SHOX: variants seen among roughly 807,000 people sequenced by gnomAD.
The protein encoded by SHOX is short stature homeobox protein.
SHOX carries 12 observed loss-of-function variants against 29.6 expected under a neutral mutation model. The ratio of observed to expected loss-of-function variants is 0.41; its 90% confidence interval spans 0.26 to 0.66. The LOEUF (loss-of-function observed/expected upper bound fraction) is 0.66, where lower values mean the gene tolerates loss of function less well. SHOX is among the 30% of genes least tolerant of loss of function. SHOX has a pLI of 0.35. For missense variants in SHOX, 499 were observed against 437.7 expected (o/e 1.14, Z -1.25); for synonymous variants, 214 against 200.6 (o/e 1.07, Z -0.57).
chrX:645,460 A>T lies in SHOX; in HGVS notation c.*824A>T, dbSNP rs927318682. 10 of 129,482 alleles carry T rather than the reference A, an allele frequency of 7.7e-5. No homozygotes were observed. The highest frequency in any genetic ancestry group is 1.2e-4 in the Non-Finnish European group (8 of 64,860). 8.0% of individuals were successfully genotyped at this position (129,482 alleles called of 1,614,324 possible). On this transcript the variant is annotated 3_prime_UTR_variant, in exon 5 of 5. Transcript: ENST00000686671. ...GGATTCAGACGCAAAAGACTTGCATAAGAGACGGACGCGTGGTTGCAAGGT... is the reference window on the plus strand; with the variant it reads ...GGATTCAGACGCAAAAGACTTGCATTAGAGACGGACGCGTGGTTGCAAGGT...
rs2053008939 is a variant in SHOX, at chrX:648,966, CTTTT to C, written c.*4332_*4335del. 2.1e-5 allele frequency among the ~76,000 whole-genome samples: 2 copies of C among 97,380 alleles called. No homozygotes were observed. Among genetic ancestry groups the C allele is most frequent in the East Asian group, 6.0e-4 (2 of 3,318 alleles). 63.9% of individuals were successfully genotyped at this position (97,380 alleles called of 152,430 possible). A position where few individuals can be genotyped will look rare whatever the true frequency, so the allele number is the denominator to read the frequency against. ...TCTTTTCTTTCTTTCTGTTTCTTTC[CTTTT>C]TATCTTTCTCTCTTTTTCTTTCTCT... On this transcript the variant is annotated 3_prime_UTR_variant, in exon 5 of 5. Transcript: ENST00000686671.
At chrX:637,621 C>CG (rs746095291) in intron 2 of SHOX, among the ~76,000 whole-genome samples, 18 of 151,950 alleles carry the variant, frequency 1.2e-4, no homozygotes, top group African/African-American at 2.4e-4. Flanking sequence ...TCCATCGCCG[C>CG]GGGGGGAAAG....
At position 630,824 on chromosome X, in the gene SHOX, A is replaced by G; in HGVS notation, c.-74A>G. ...CAGCGCTGGTGATCCACCCGCGCGC[A>G]CGGGCCGTCCTCTCCGCGCGGGGAG... On this transcript the variant is annotated 5_prime_UTR_variant, in exon 1 of 5. Transcript: ENST00000686671. The G allele has an allele frequency of 6.4e-7, 1 of 1,571,306 alleles. No homozygotes were observed. The highest frequency in any genetic ancestry group is 1.1e-5 in the South Asian group (1 of 89,914).
chrX:624,904 C>CTTTCTTCCTTTCTTTCTTTCTT (rs2052485772), intron 1 of SHOX, among the ~76,000 whole-genome samples: 2 of 94,850 alleles, frequency 2.1e-5, no homozygotes, highest in Non-Finnish European at 4.3e-5. Flanking sequence ...CTTTCTTTCT[C>CTTTCTTCCTTTCTTTCTTTCTT]TCTTCCTTTC....
chrX:650,944 G>A lies in SHOX; in HGVS notation c.*6308G>A, dbSNP rs1347614329. 1.3e-5 allele frequency among the ~76,000 whole-genome samples: 2 copies of A among 151,996 alleles called. No individual in the cohort carries two copies. Among genetic ancestry groups the A allele is most frequent in the African/African-American group, 4.8e-5 (2 of 41,374 alleles). ...AAATTTGATATTTAATGAGAAGCCG[G>A]TTAAGGAATGTAGACAATATCCCGT... On this transcript the variant is annotated 3_prime_UTR_variant, in exon 5 of 5. Coordinates refer to ENST00000686671, the MANE Select transcript of SHOX (RefSeq NM_000451.4).
chrX:630,503 A>C, upstream of SHOX: 1 of 318,012 alleles, frequency 3.1e-6, no homozygotes, highest in Admixed American at 4.7e-5. Flanking sequence ...CCACGGAGAG[A>C]ACGCGGGTAA....
chrX:642,300 TG>T lies in SHOX; in HGVS notation c.633+1223del, dbSNP rs374805625. Among the ~76,000 whole-genome samples, 617 of 134,360 alleles carry T rather than the reference TG, an allele frequency of 4.6e-3. 4 individuals are homozygous for T. Among genetic ancestry groups the T allele is most frequent in the Middle Eastern group, 0.012 (3 of 248 alleles). The allele number at this position is 134,360 out of a possible 152,430, so 88.1% of individuals were successfully genotyped here. Reference sequence around the variant, plus strand: ...AGTGCATGCGCGGGCGGAACGGGCTTGGGGGGGGGGCTCTGGCAGGGCGGAC... The same window carrying T: ...AGTGCATGCGCGGGCGGAACGGGCTTGGGGGGGGGCTCTGGCAGGGCGGAC... On this transcript the variant is annotated intron_variant, in intron 4 of 4. Coordinates refer to ENST00000686671, the MANE Select transcript of SHOX (RefSeq NM_000451.4).
At chrX:651,641 G>GAAAA (rs553983413), downstream of SHOX, among the ~76,000 whole-genome samples, 494 of 107,518 alleles carry the variant, frequency 4.6e-3, 5 homozygotes, top group African/African-American at 0.017. Context: ...AGGCTTATTG[G>GAAAA]AAAAAAAAAA....
upstream of SHOX, among the ~76,000 whole-genome samples, chrX:629,219 G>A (rs749436221): frequency 4.7e-5 from 6 of 128,834 alleles, no homozygotes; most frequent in African/African-American, 1.8e-4. Flanking sequence ...CCCTGTCTGT[G>A]TCTCTCTTTC....
chrX:655,594 C>T (rs1333975960), downstream of SHOX, among the ~76,000 whole-genome samples: 1 of 61,564 alleles, frequency 1.6e-5, no homozygotes, highest in Non-Finnish European at 3.0e-5. Flanking sequence ...CTCTCTCTCT[C>T]TCTCTCTCTC....
downstream of SHOX, among the ~76,000 whole-genome samples, chrX:651,770 T>G (rs1304213507): frequency 6.6e-6 from 1 of 151,862 alleles, no homozygotes; most frequent in African/African-American, 2.4e-5. Flanking sequence ...TACCATTGAC[T>G]TTTGCTTGTA....
chrX:626,336 G>A (rs1423230835), upstream of SHOX, among the ~76,000 whole-genome samples: 15 of 115,538 alleles, frequency 1.3e-4, no homozygotes. Context: ...GTCTCTGTCT[G>A]TATCTCTGTC....
chrX:655,614 CTATATATATATATATATA>C (rs1173014302), downstream of SHOX, among the ~76,000 whole-genome samples: 1,047 of 34,786 alleles, frequency 0.03, 19 homozygotes, highest in Middle Eastern at 0.05. Context: ...CTCTCTCTCT[CTATATATATATATATATA>C]TATATATATA....
Position 644,887 on chromosome X carries a change from C to A in SHOX, c.*251C>A. The A allele has an allele frequency of 2.1e-6, 1 of 483,562 alleles. No individual in the cohort carries two copies. Among genetic ancestry groups the A allele is most frequent in the Non-Finnish European group, 3.5e-6 (1 of 287,626 alleles). 30.0% of individuals were successfully genotyped at this position (483,562 alleles called of 1,614,324 possible). On this transcript the variant is annotated 3_prime_UTR_variant, in exon 5 of 5. Coordinates refer to ENST00000686671, the MANE Select transcript of SHOX (RefSeq NM_000451.4). ...GCCGTGCGTCCAGCCCGGGCCTCTC[C>A]AAGGCTGCCCGTGCGTCCTGGGACC...
downstream of SHOX, among the ~76,000 whole-genome samples, chrX:652,674 A>T: frequency 6.6e-6 from 1 of 152,258 alleles, no homozygotes. Flanking sequence ...TCTCTTGGCC[A>T]GAGAAGGGGT....
chrX:626,708 ATCTC>A (rs1200050036), upstream of SHOX, among the ~76,000 whole-genome samples: 3 of 37,988 alleles, frequency 7.9e-5, no homozygotes, highest in Non-Finnish European at 1.7e-4. Context: ...TCTCTCTCTC[ATCTC>A]TCTCTGTCTC....
At chrX:624,835 C>T (rs2052478777) in intron 1 of SHOX, among the ~76,000 whole-genome samples, 1 of 139,864 alleles carries the variant, frequency 7.1e-6, no homozygotes, top group Non-Finnish European at 1.6e-5. Flanking sequence ...TCTTTCCTTC[C>T]TTCCTTCCTC....
downstream of SHOX, among the ~76,000 whole-genome samples, chrX:653,289 C>T (rs1277702325): frequency 3.3e-5 from 5 of 151,992 alleles, no homozygotes; most frequent in East Asian, 1.9e-4. Flanking sequence ...TAAAATAAAA[C>T]GTTCAGCTTT....
intron 4 of SHOX, among the ~76,000 whole-genome samples, chrX:644,085 C>T (rs1189553592): frequency 5.9e-5 from 9 of 152,076 alleles, no homozygotes; most frequent in African/African-American, 2.2e-4. Flanking sequence ...TCCCTGAATC[C>T]CTGCGAAGAG....
Sources: gnomAD v4.1 joint callset for allele counts (sites outside exome capture counted in the v4.1 genomes callset) on GRCh38, gnomAD v4.1.1 for gene constraint, MANE v1.5 for transcripts, NCBI Gene and HGNC (gene_info 2026-07-23, HGNC 2026-07-21) for gene names.